Variants in SVOP observed in about 807,000 individuals in gnomAD.
SVOP encodes SV2 related protein, also known as synaptic vesicle 2-related protein.
Under a neutral mutation model 69.1 loss-of-function variants are expected in SVOP, and 17 were observed. That is an observed-to-expected ratio of 0.25 (90% confidence interval 0.17 to 0.37). The LOEUF (loss-of-function observed/expected upper bound fraction) is 0.37. Among genes scored for constraint, SVOP ranks in the 10% least tolerant of loss-of-function variants. SVOP has a pLI of 1.00. For synonymous variants in SVOP, 238 were observed against 238.6 expected, an observed-to-expected ratio of 1.00 and a Z score of 0.02; for missense variants, 435 against 597.5, an observed-to-expected ratio of 0.73 and a Z score of 2.84.
chr12:109,020,008 C>T (rs180979768), intron 1 of SVOP, among the ~76,000 whole-genome samples: 2 of 152,242 alleles, frequency 1.3e-5, no homozygotes, highest in East Asian at 3.9e-4. Context: ...TAAAACAACC[C>T]CTGCCCCACC....
chr12:108,926,750 T>C (rs1490760743), intron 11 of SVOP, among the ~76,000 whole-genome samples: 2 of 152,268 alleles, frequency 1.3e-5, no homozygotes, highest in African/African-American at 2.4e-5. Flanking sequence ...TAATTGTAAA[T>C]TCACTTCAGC....
rs184146472 is a variant in SVOP at position 108,967,296 on chromosome 12, C to T, written c.453+5109G>A. Among the ~76,000 whole-genome samples the T allele has an allele frequency of 2.8e-3, 429 of 151,958 alleles. 3 individuals carry two copies. Among genetic ancestry groups the T allele is most frequent in the African/African-American group, 9.9e-3 (409 of 41,432 alleles). On this transcript the variant is annotated intron_variant, in intron 5 of 15. Transcript: ENST00000610966. ...TGGGCAGATCACGAGGTCAGGAGAT[C>T]GAGACCATCCTGGCTAACACGGTGA...
intron 6 of SVOP, among the ~76,000 whole-genome samples, chr12:108,954,020 G>A (rs2039972051): frequency 6.6e-6 from 1 of 150,536 alleles, no homozygotes. Context: ...GCTGAGGTGG[G>A]AGGATCGCTT....
intron 6 of SVOP, among the ~76,000 whole-genome samples, chr12:108,960,049 C>A (rs1022603448): frequency 1.3e-5 from 2 of 152,180 alleles, no homozygotes; most frequent in African/African-American, 4.8e-5. Context: ...TAGAACAGCA[C>A]CTGCCACATA....
In SVOP at chr12:108,916,524, C is replaced by T. The variant is rs144581970; in HGVS notation, c.1351-652G>A. 4.9e-3 allele frequency among the ~76,000 whole-genome samples: 740 copies of T among 152,280 alleles called. 8 individuals are homozygous for T. Among genetic ancestry groups the T allele is most frequent in the African/African-American group, 0.016 (675 of 41,568 alleles). ...CGTTGTAGGATGTTTGGCAGCATCC[C>T]TGGCCTCTACCCACGAGATTCCAGC... On this transcript the variant is annotated intron_variant, in intron 14 of 15. Transcript: ENST00000610966.
In SVOP at chr12:109,001,634, G is replaced by C. The variant is rs1300132575; in HGVS notation, c.36-17873C>G. On this transcript the variant is annotated intron_variant, in intron 1 of 15. Coordinates refer to ENST00000610966, the MANE Select transcript of SVOP (RefSeq NM_018711.5). ...AGATATAGATCAATGGAACAGAACA[G>C]AGCCCTCAGAAATAATGCCGCATAT... is the stretch of plus-strand genomic sequence containing the variant. 1.0e-4 allele frequency among the ~76,000 whole-genome samples: 14 copies of C among 140,388 alleles called. No homozygotes were observed. The Admixed American group carries it at 1.0e-3, about 10-fold the overall frequency. The allele number at this position is 140,388 out of a possible 152,430, so 92.1% of individuals were successfully genotyped here.
chr12:109,010,811 C>G (rs1008283682), intron 1 of SVOP, among the ~76,000 whole-genome samples: 2 of 151,772 alleles, frequency 1.3e-5, no homozygotes, highest in Non-Finnish European at 2.9e-5. Flanking sequence ...CCAAACTGTT[C>G]CCCTTAAGTC....
At chr12:109,013,575 G>C (rs1433797201) in intron 1 of SVOP, among the ~76,000 whole-genome samples, 1 of 152,028 alleles carries the variant, frequency 6.6e-6, no homozygotes, top group Non-Finnish European at 1.5e-5. Context: ...ATTTTTAGTA[G>C]AGACGGTTTT....
At chr12:109,004,138 T>C (rs1274818222) in intron 1 of SVOP, among the ~76,000 whole-genome samples, 1 of 151,840 alleles carries the variant, frequency 6.6e-6, no homozygotes, top group African/African-American at 2.4e-5. Context: ...AAAAGTAATA[T>C]GAAAGAAAAA....
At chr12:108,982,651 C>A (rs1352850882) in intron 2 of SVOP, among the ~76,000 whole-genome samples, 1 of 151,068 alleles carries the variant, frequency 6.6e-6, no homozygotes, top group Non-Finnish European at 1.5e-5. Context: ...TCACCATCAC[C>A]ATCATCATGA....
intron 1 of SVOP, among the ~76,000 whole-genome samples, chr12:109,008,490 T>C (rs182976449): frequency 3.7e-4 from 57 of 152,302 alleles, no homozygotes; most frequent in African/African-American, 1.3e-3. Flanking sequence ...TTTTATTTAT[T>C]TGCATTTTTC....
At position 108,922,671 on chromosome 12, in the gene SVOP, C is replaced by T. The variant is rs1271378399; in HGVS notation, c.1156+19G>A. 2 of 1,574,482 alleles carry T rather than the reference C, an allele frequency of 1.3e-6. No homozygotes were observed. Among genetic ancestry groups the T allele is most frequent in the African/African-American group, 1.3e-5 (1 of 74,114 alleles). ...CCCAGGCTTGCCTGACACAGCTTCA[C>T]CTTGCACAGGTCCCTCACCTGGAAA... On this transcript the variant is annotated intron_variant, in intron 12 of 15. Coordinates refer to ENST00000610966, the MANE Select transcript of SVOP (RefSeq NM_018711.5).
intron 7 of SVOP, among the ~76,000 whole-genome samples, chr12:108,942,495 C>T (rs893720572): frequency 6.6e-6 from 1 of 152,216 alleles, no homozygotes; most frequent in African/African-American, 2.4e-5. Context: ...CCTGTCCTAG[C>T]GCTTCCCACT....
chr12:108,986,613 A>G (rs2040167164), intron 1 of SVOP, among the ~76,000 whole-genome samples: 1 of 152,170 alleles, frequency 6.6e-6, no homozygotes, highest in African/African-American at 2.4e-5. Context: ...CACATTTTAA[A>G]ATAGGCAAAG....
Position 108,937,953 on chromosome 12 carries a change from G to A in SVOP, c.898-616C>T, listed in dbSNP as rs569298311. On this transcript the variant is annotated intron_variant, in intron 9 of 15. Transcript: ENST00000610966. ...GTTGATCACTTGAAGCCAGGAGTTC[G>A]AGACCAGCCTGGCTTTCCCTCATCC... Among the ~76,000 whole-genome samples, 9 of 152,236 alleles carry A rather than the reference G, an allele frequency of 5.9e-5. No homozygotes were observed. The East Asian group carries it at 1.2e-3, about 20-fold the overall frequency.
At chr12:109,013,946 T>G (rs1408405528) in intron 1 of SVOP, among the ~76,000 whole-genome samples, 3 of 152,138 alleles carry the variant, frequency 2.0e-5, no homozygotes, top group African/African-American at 7.2e-5. Flanking sequence ...TGTATTTGTC[T>G]TTTTGTGACT....
Position 108,912,412 on chromosome 12 carries a change from T to A in SVOP, c.*123A>T. ...ACTGAGTCAAGACACAAAACCCTGT[T>A]GGTCCAGGTCATACTCTTGGGTGAG... On this transcript the variant is annotated 3_prime_UTR_variant, in exon 16 of 16. Coordinates refer to ENST00000610966, the MANE Select transcript of SVOP (RefSeq NM_018711.5). The A allele has an allele frequency of 6.5e-7, 1 of 1,529,268 alleles. No individual in the cohort carries two copies. Among genetic ancestry groups the A allele is most frequent in the Non-Finnish European group, 8.8e-7 (1 of 1,140,794 alleles). 94.7% of individuals were successfully genotyped at this position (1,529,268 alleles called of 1,614,324 possible). A position where few individuals can be genotyped will look rare whatever the true frequency, so the allele number is the denominator to read the frequency against.
intron 1 of SVOP, among the ~76,000 whole-genome samples, chr12:108,997,145 T>G (rs1377379804): frequency 6.6e-6 from 1 of 151,844 alleles, no homozygotes; most frequent in Non-Finnish European, 1.5e-5. Flanking sequence ...ATTGCCTCAC[T>G]TGGGAAGCGC....
At chr12:108,941,914 C>A (rs375473095) in intron 7 of SVOP, among the ~76,000 whole-genome samples, 4 of 152,160 alleles carry the variant, frequency 2.6e-5, no homozygotes, top group East Asian at 3.9e-4. Context: ...ATCCACCCCC[C>A]TCGGCCTCCC....
Sources: gnomAD v4.1 joint callset for allele counts (sites outside exome capture counted in the v4.1 genomes callset) on GRCh38, gnomAD v4.1.1 for gene constraint, MANE v1.5 for transcripts, NCBI Gene and HGNC (gene_info 2026-07-23, HGNC 2026-07-21) for gene names.